Variants in ODAD2 observed in about 807,000 individuals in gnomAD.
ODAD2 encodes outer dynein arm docking complex subunit 2.
In ODAD2, 89 loss-of-function variants were observed where a neutral mutation model predicts 106.8. The ratio of observed to expected loss-of-function variants is 0.83; its 90% CI spans 0.70 to 0.99. The LOEUF is 0.99. Among genes scored for constraint, ODAD2 ranks in the 50% least tolerant of loss-of-function variants. The pLI is 0.00. For synonymous variants in ODAD2, 404 were observed against 436.2 expected, an observed-to-expected ratio of 0.93 and a Z score of 0.92; for missense variants, 1,168 against 1,238.5, an observed-to-expected ratio of 0.94 and a Z score of 0.85.
chr10:27,953,901 T>G (rs1847537442), intron 10 of ODAD2, among the ~76,000 whole-genome samples: 1 of 152,000 alleles, frequency 6.6e-6, no homozygotes, highest in African/African-American at 2.4e-5. Context: ...CACAGAAACA[T>G]CAGCAGCCAC....
intron 2 of ODAD2, among the ~76,000 whole-genome samples, chr10:27,993,972 ATATGTGTGTG>A (rs1432165070): frequency 1.1e-5 from 1 of 92,100 alleles, no homozygotes; most frequent in East Asian, 3.1e-4. Flanking sequence ...ATATATATAT[ATATGTGTGTG>A]TGTGTGTGTG....
chr10:27,955,963 A>G (rs1351858997), intron 10 of ODAD2, among the ~76,000 whole-genome samples: 1 of 152,020 alleles, frequency 6.6e-6, no homozygotes, highest in African/African-American at 2.4e-5. Context: ...TAGAGTATTG[A>G]CCACTACTAA....
In ODAD2 at chr10:27,912,406, T is replaced by TA. The variant is rs899941521; in HGVS notation, c.2496-4630dup. 8.6e-5 allele frequency among the ~76,000 whole-genome samples: 13 copies of TA among 151,392 alleles called. 1 individual carries two copies. The South Asian group carries it at 1.5e-3, about 17-fold the overall frequency. ...ATACATGTACGTGCTTTTGGTTATTTAAAAAAAAATAAACAAACCAAAAAG... is the reference window on the plus strand; with the variant it reads ...ATACATGTACGTGCTTTTGGTTATTTAAAAAAAAAATAAACAAACCAAAAAG... On this transcript the variant is annotated intron_variant, in intron 16 of 19. Transcript: ENST00000305242.
At chr10:27,827,005 A>G (rs150090074) in intron 19 of ODAD2, among the ~76,000 whole-genome samples, 28 of 152,196 alleles carry the variant, frequency 1.8e-4, no homozygotes, top group African/African-American at 6.7e-4. Context: ...GCCATTCGTA[A>G]TCGCTTTGCT....
Position 27,812,466 on chromosome 10 carries a change from T to C in ODAD2, c.*46A>G. 1 of 1,567,744 alleles carries C rather than the reference T, an allele frequency of 6.4e-7. No individual in the cohort carries two copies. Among genetic ancestry groups the C allele is most frequent in the African/African-American group, 1.4e-5 (1 of 73,886 alleles). The stretch of plus-strand genomic sequence containing the variant: ...GCTTTCTGGCCATGGGAGTGACATG[T>C]CCTGTGTCATGTAGAATTTGATAGC... On this transcript the variant is annotated 3_prime_UTR_variant, in exon 20 of 20. Coordinates refer to ENST00000305242, the MANE Select transcript of ODAD2 (RefSeq NM_018076.5).
chr10:27,949,703 A>G (rs1388115217), intron 10 of ODAD2, among the ~76,000 whole-genome samples: 2 of 152,156 alleles, frequency 1.3e-5, no homozygotes, highest in Admixed American at 6.5e-5. Context: ...AATGTAATTT[A>G]CAATGATGTC....
chr10:27,942,293 T>A (rs1040133022), intron 12 of ODAD2, among the ~76,000 whole-genome samples: 1 of 152,234 alleles, frequency 6.6e-6, no homozygotes. Flanking sequence ...CTTAGTTGTT[T>A]TGATGAATCT....
chr10:27,961,756 T>G, intron 9 of ODAD2, 41 bp from the exon 10 acceptor site: 1 of 1,574,380 alleles, frequency 6.4e-7, no homozygotes. Flanking sequence ...TAAGCTATAG[T>G]GTGGAGATCT....
intron 17 of ODAD2, among the ~76,000 whole-genome samples, chr10:27,905,995 A>G (rs1348427781): frequency 6.6e-6 from 1 of 152,230 alleles, no homozygotes; most frequent in East Asian, 1.9e-4. Context: ...AGCAATGGCA[A>G]CAAAAGCCAG....
At chr10:27,814,510 C>A (rs1835977804) in intron 19 of ODAD2, among the ~76,000 whole-genome samples, 1 of 152,202 alleles carries the variant, frequency 6.6e-6, no homozygotes, top group South Asian at 2.1e-4. Context: ...CACACTTCAG[C>A]CTTCCACCTT....
At chr10:27,959,725 T>C (rs1847993026) in intron 10 of ODAD2, among the ~76,000 whole-genome samples, 1 of 152,154 alleles carries the variant, frequency 6.6e-6, no homozygotes, top group East Asian at 1.9e-4. Context: ...TATTCTGTAT[T>C]TTTCCTAACA....
At chr10:27,969,385 T>C (rs1848681611) in intron 8 of ODAD2, among the ~76,000 whole-genome samples, 1 of 152,298 alleles carries the variant, frequency 6.6e-6, no homozygotes. Flanking sequence ...CACCTGGTTT[T>C]CCAGGTATTC....
chr10:27,856,162 C>G (rs1173250062), intron 19 of ODAD2, among the ~76,000 whole-genome samples: 1 of 152,182 alleles, frequency 6.6e-6, no homozygotes, highest in Non-Finnish European at 1.5e-5. Context: ...TCCATATTCA[C>G]AAATTTGTAA....
intron 17 of ODAD2, among the ~76,000 whole-genome samples, chr10:27,893,511 T>G (rs1842688798): frequency 6.6e-6 from 1 of 151,930 alleles, no homozygotes; most frequent in African/African-American, 2.4e-5. Flanking sequence ...TAACAATGGC[T>G]GGTTTTTGCA....
chr10:27,955,186 G>A (rs886250583), intron 10 of ODAD2, among the ~76,000 whole-genome samples: 3 of 152,014 alleles, frequency 2.0e-5, no homozygotes, highest in South Asian at 2.1e-4. Flanking sequence ...TTCCGTTTTC[G>A]AAATACTCTT....
chr10:27,939,707 C>T (rs1456070192), intron 14 of ODAD2, among the ~76,000 whole-genome samples, 190 bp downstream of exon 14: 5 of 152,012 alleles, frequency 3.3e-5, no homozygotes, highest in Admixed American at 6.6e-5. Context: ...CATTGCCCTC[C>T]AGCCTGGGCA....
chr10:27,904,244 T>C (rs1843421499), intron 17 of ODAD2: 3 of 407,872 alleles, frequency 7.4e-6, no homozygotes, highest in Non-Finnish European at 1.5e-5. Flanking sequence ...AGACTTTCTG[T>C]AAGAAGTGTG....
At chr10:27,871,500 A>C (rs1327371052) in intron 17 of ODAD2, among the ~76,000 whole-genome samples, 1 of 152,162 alleles carries the variant, frequency 6.6e-6, no homozygotes, top group Non-Finnish European at 1.5e-5. Context: ...TCTAACATTT[A>C]AGTCTTTAAT....
At position 27,866,854 on chromosome 10, in the gene ODAD2, C is replaced by T. The variant is rs191334003; in HGVS notation, c.2611-4232G>A. ...ATGACCCAAACTCCTCCCATTAGAC[C>T]CCACTCCAACACTGGGGATCAAATT... On this transcript the variant is annotated intron_variant, in intron 17 of 19. Coordinates refer to ENST00000305242, the MANE Select transcript of ODAD2 (RefSeq NM_018076.5). Among the ~76,000 whole-genome samples the T allele has an allele frequency of 3.3e-5, 5 of 152,188 alleles. No individual in the cohort carries two copies. The East Asian group carries it at 9.7e-4, about 29-fold the overall frequency.
Sources: gnomAD v4.1 joint callset for allele counts (sites outside exome capture counted in the v4.1 genomes callset) on GRCh38, gnomAD v4.1.1 for gene constraint, MANE v1.5 for transcripts, NCBI Gene and HGNC (gene_info 2026-07-23, HGNC 2026-07-21) for gene names.